Variants in LIPC observed in about 807,000 individuals in gnomAD.
The protein encoded by LIPC is hepatic triacylglycerol lipase.
A neutral mutation model predicts 50.7 loss-of-function variants in LIPC; 44 were observed. That is an observed-to-expected ratio of 0.87 (90% CI 0.68 to 1.11). The LOEUF is 1.11. Ranked by LOEUF, LIPC falls within the 50% of genes most tolerant of loss-of-function variation. The probability of loss-of-function intolerance (pLI) is 0.00; values close to 1 mark genes in which losing one functional copy is unlikely to be tolerated. For missense variants in LIPC, 697 were observed against 648.2 expected, an observed-to-expected ratio of 1.08 and a Z score of -0.82; for synonymous variants, 271 against 256.4, an observed-to-expected ratio of 1.06 and a Z score of -0.54.
chr15:58,547,538 G>A (rs1453871889), intron 5 of LIPC, among the ~76,000 whole-genome samples: 3 of 151,762 alleles, frequency 2.0e-5, no homozygotes, highest in Admixed American at 1.3e-4. Context: ...CACCTGTGCT[G>A]TCCCTTTACA....
chr15:58,497,230 G>A (rs1326625787), intron 1 of LIPC, among the ~76,000 whole-genome samples: 8 of 152,066 alleles, frequency 5.3e-5, no homozygotes, highest in African/African-American at 1.7e-4. Flanking sequence ...CTTCACCCCC[G>A]ACCGAATGAC....
At chr15:58,492,419 C>T (rs772908157) in intron 1 of LIPC, among the ~76,000 whole-genome samples, 28 of 152,276 alleles carry the variant, frequency 1.8e-4, no homozygotes, top group Admixed American at 3.3e-4. Context: ...AATAGCTTAT[C>T]TTTATTCTAC....
intron 1 of LIPC, among the ~76,000 whole-genome samples, chr15:58,503,191 C>A (rs558292213): frequency 1.3e-5 from 2 of 152,302 alleles, no homozygotes; most frequent in East Asian, 1.9e-4. Context: ...AACTGAGGTG[C>A]AGAAAAGTTA....
At chr15:58,510,700 A>G (rs528729218) in intron 1 of LIPC, among the ~76,000 whole-genome samples, 1 of 152,354 alleles carries the variant, frequency 6.6e-6, no homozygotes, top group African/African-American at 2.4e-5. Context: ...TATCACTAAG[A>G]CATCAGGTTT....
chr15:58,515,360 G>A lies in LIPC; in HGVS notation c.89-22973G>A, dbSNP rs534740161. On this transcript the variant is annotated intron_variant, in intron 1 of 8. Coordinates refer to ENST00000299022, the MANE Select transcript of LIPC (RefSeq NM_000236.3). ...ATAGCTATTTGGAGCAAGAATGGGA[G>A]TTTTGTTTGCTTTGCTTTAAACTCT... 2.6e-5 allele frequency among the ~76,000 whole-genome samples: 4 copies of A among 152,266 alleles called. No homozygotes were observed. The South Asian group carries it at 8.3e-4, about 32-fold the overall frequency.
intron 6 of LIPC, among the ~76,000 whole-genome samples, chr15:58,551,020 A>G (rs1254122004): frequency 2.7e-5 from 4 of 145,816 alleles, no homozygotes; most frequent in Non-Finnish European, 4.5e-5. Context: ...TATTTTTAGT[A>G]GAGACGGGGT....
intron 1 of LIPC, among the ~76,000 whole-genome samples, chr15:58,514,172 G>A (rs1378260023): frequency 6.6e-6 from 1 of 152,176 alleles, no homozygotes; most frequent in African/African-American, 2.4e-5. Context: ...TTTGTAATGG[G>A]GATTCCAGCT....
intron 1 of LIPC, among the ~76,000 whole-genome samples, chr15:58,501,685 C>A (rs1020092491): frequency 2.0e-5 from 3 of 152,072 alleles, no homozygotes; most frequent in Non-Finnish European, 2.9e-5. Flanking sequence ...TTTTACAATA[C>A]CATTTTTAAA....
Position 58,569,128 on chromosome 15 carries a change from T to A in LIPC, c.*301T>A. 4.7e-6 allele frequency: 1 copy of A among 212,296 alleles called. No individual in the cohort carries two copies. The highest frequency in any genetic ancestry group is 9.4e-6 in the Non-Finnish European group (1 of 106,430). The allele number at this position is 212,296 out of a possible 1,614,324, so 13.2% of individuals were successfully genotyped here. On this transcript the variant is annotated 3_prime_UTR_variant, in exon 9 of 9. Coordinates refer to ENST00000299022, the MANE Select transcript of LIPC (RefSeq NM_000236.3). ...ATCTGTTGTTCTAATTTACAATGTCTTTTATAATTAAGTTTCCCACATGTC... is the reference window on the plus strand; with the variant it reads ...ATCTGTTGTTCTAATTTACAATGTCATTTATAATTAAGTTTCCCACATGTC...
At chr15:58,434,946 T>C (rs1290055747) in intron 1 of LIPC, 2 of 152,230 alleles carry the variant, frequency 1.3e-5, no homozygotes, top group African/African-American at 4.8e-5. Context: ...CTGCCATACG[T>C]AACGCAGTGC....
chr15:58,438,440 C>G (rs17301739), intron 1 of LIPC, among the ~76,000 whole-genome samples: 10,013 of 152,142 alleles, frequency 0.066, 336 homozygotes, highest in Middle Eastern at 0.11. Context: ...GCGCTCTCAG[C>G]TGGGAAATGG....
chr15:58,443,077 T>C (rs866557794), intron 1 of LIPC, among the ~76,000 whole-genome samples: 2 of 152,288 alleles, frequency 1.3e-5, no homozygotes, highest in South Asian at 2.1e-4. Context: ...CATGTCCAGC[T>C]AATTTTTCTG....
intron 8 of LIPC, 37 bp downstream of exon 8, chr15:58,563,760 A>G: frequency 6.5e-7 from 1 of 1,547,286 alleles, no homozygotes; most frequent in Non-Finnish European, 8.9e-7. Context: ...ACGTCCATTA[A>G]GCACCCACTT....
chr15:58,553,494 A>G (rs1893830977), intron 6 of LIPC, among the ~76,000 whole-genome samples: 1 of 152,150 alleles, frequency 6.6e-6, no homozygotes, highest in Non-Finnish European at 1.5e-5. Context: ...TACTTGGGAG[A>G]CTGCAGGAGG....
chr15:58,496,652 C>G (rs1468822766), intron 1 of LIPC, among the ~76,000 whole-genome samples: 3 of 150,692 alleles, frequency 2.0e-5, no homozygotes. Context: ...AGACTAACTC[C>G]GAATACCTTA....
chr15:58,448,043 CT>C (rs1378773839), intron 1 of LIPC, among the ~76,000 whole-genome samples: 1 of 152,178 alleles, frequency 6.6e-6, no homozygotes, highest in Admixed American at 6.5e-5. Flanking sequence ...CCCCTAGGGT[CT>C]TCTGGCTGTT....
At chr15:58,546,432 C>A (rs1248338277) in intron 5 of LIPC, among the ~76,000 whole-genome samples, 6 of 152,152 alleles carry the variant, frequency 3.9e-5, no homozygotes, top group African/African-American at 1.4e-4. Flanking sequence ...TTCATCCCAC[C>A]CCATCAGTTT....
At chr15:58,506,753 C>G (rs1290690043) in intron 1 of LIPC, among the ~76,000 whole-genome samples, 1 of 152,230 alleles carries the variant, frequency 6.6e-6, no homozygotes, top group Non-Finnish European at 1.5e-5. Context: ...GCCCCCCACC[C>G]TGACGTGGGG....
rs1375915498 is a variant in LIPC, at chr15:58,567,348, T to TACAC, written c.1389-1367_1389-1366insCACA. Among the ~76,000 whole-genome samples the TACAC allele has an allele frequency of 1.5e-4, 12 of 79,880 alleles. No homozygotes were observed. The Admixed American group carries it at 1.6e-3, about 10-fold the overall frequency. 52.4% of individuals were successfully genotyped at this position (79,880 alleles called of 152,430 possible). ...GTATATATATATATATGTATATGTA[T>TACAC]ATATATATATGTATATGTATATATA... On this transcript the variant is annotated intron_variant, in intron 8 of 8. Transcript: ENST00000299022.
Sources: allele counts gnomAD v4.1 joint callset (sites outside exome capture counted in the v4.1 genomes callset), GRCh38; gene constraint gnomAD v4.1.1; transcripts MANE v1.5; gene names NCBI Gene and HGNC (gene_info 2026-07-23, HGNC 2026-07-21).